The following COX7A2 variants were observed in gnomAD, a reference collection of about 807,000 sequenced individuals.
COX7A2 encodes cytochrome c oxidase subunit 7A2, also known as cytochrome c oxidase subunit 7A2, mitochondrial.
In COX7A2, 11 loss-of-function variants were observed where a neutral mutation model predicts 11.6. The observed-to-expected ratio is 0.95, with a 90% confidence interval of 0.60 to 1.57. COX7A2 has a LOEUF of 1.57. Among genes scored for constraint, COX7A2 ranks in the 40% most tolerant of loss-of-function variants. The probability of loss-of-function intolerance (pLI) is 0.00; values close to 1 mark genes in which losing one functional copy is unlikely to be tolerated. For missense variants in COX7A2, 106 were observed against 100.9 expected (o/e 1.05, Z -0.22); for synonymous variants, 30 against 38.2 (o/e 0.78, Z 0.79).
At position 75,237,917 on chromosome 6, in the gene COX7A2, G is replaced by C; in HGVS notation, c.*13C>G. 6.2e-7 allele frequency: 1 copy of C among 1,603,440 alleles called. No individual in the cohort carries two copies. Among genetic ancestry groups the C allele is most frequent in the African/African-American group, 1.3e-5 (1 of 74,902 alleles). ...AATGAAACTGAACCAAGCGATTGCT[G>C]GGATGACTGAAGTCACTCCTGCTTC... is the stretch of plus-strand genomic sequence containing the variant. On this transcript the variant is annotated 3_prime_UTR_variant, in exon 4 of 4. Transcript: ENST00000684430.
intron 3 of COX7A2, among the ~76,000 whole-genome samples, chr6:75,240,083 A>G (rs1771444272): frequency 6.6e-6 from 1 of 152,120 alleles, no homozygotes; most frequent in African/African-American, 2.4e-5. Context: ...CCTGGGCAAC[A>G]GGAGCAAAAC....
At chr6:75,243,664 C>T (rs1032870387) in intron 1 of COX7A2, 53 bp downstream of exon 1, 18 of 1,565,200 alleles carry the variant, frequency 1.2e-5, no homozygotes, top group South Asian at 7.8e-5. Flanking sequence ...GTGCCTCAGC[C>T]TCCTCTCCAC....
rs751303561 is a variant in COX7A2 at position 75,243,765 on chromosome 6, A to G, written c.-31T>C. 4 of 1,614,052 alleles carry G rather than the reference A, an allele frequency of 2.5e-6. No individual in the cohort carries two copies. The highest frequency in any genetic ancestry group is 2.5e-6 in the Non-Finnish European group (3 of 1,179,946). ...CTGTTACTGACCAGCAACCGCCACA[A>G]CTGAACACCACCAACGAAAATGGCC... is the stretch of plus-strand genomic sequence containing the variant. On this transcript the variant is annotated 5_prime_UTR_variant, in exon 1 of 4. Transcript: ENST00000684430.
chr6:75,239,626 T>G (rs1582259417), intron 3 of COX7A2, among the ~76,000 whole-genome samples: 1 of 152,330 alleles, frequency 6.6e-6, no homozygotes, highest in South Asian at 2.1e-4. Flanking sequence ...CTGTACAAAG[T>G]TTAGATGTAA....
At position 75,239,730 on chromosome 6, in the gene COX7A2, T is replaced by G. The variant is rs894963471; in HGVS notation, c.193+571A>C. ...GGATGTTTTTGACTGAAATATAGCC[T>G]TCACTGCCATCAATGGGACTCAGAA... On this transcript the variant is annotated intron_variant, in intron 3 of 3. Transcript: ENST00000684430. 3.9e-5 allele frequency among the ~76,000 whole-genome samples: 6 copies of G among 152,188 alleles called. No homozygotes were observed. The East Asian group carries it at 1.2e-3, about 29-fold the overall frequency.
chr6:75,243,537 G>A (rs892087894), intron 1 of COX7A2, among the ~76,000 whole-genome samples, 180 bp downstream of exon 1: 2 of 152,192 alleles, frequency 1.3e-5, no homozygotes, highest in African/African-American at 2.4e-5. Context: ...CCCAGTAACG[G>A]CCTGGGGCGA....
At chr6:75,245,367 T>C (rs1215851057), upstream of COX7A2, among the ~76,000 whole-genome samples, 1 of 151,960 alleles carries the variant, frequency 6.6e-6, no homozygotes, top group East Asian at 1.9e-4. Flanking sequence ...GGCGGGCGCC[T>C]GTAGTCCCAG....
chr6:75,237,962 C>A lies in COX7A2; in HGVS notation c.220G>T (p.Ala74Ser). ...GGTAYAIYEL[A>S]VASFPKKQE Reference sequence around the variant, plus strand: ...TGCTTCTTGGGAAATGAAGCCACAGCCAGCTCATATATGGCATATGCTGTT... The same window carrying A: ...TGCTTCTTGGGAAATGAAGCCACAGACAGCTCATATATGGCATATGCTGTT... The change falls in exon 4 of 4, where the codon GCT becomes TCT. Residue 74 changes from alanine (A) to serine (S), a missense_variant. Physicochemically the swap from Ala to Ser is moderately conservative, Grantham distance 99. Transcript: ENST00000684430. The A allele has an allele frequency of 6.2e-7, 1 of 1,605,180 alleles. No homozygotes were observed. Among genetic ancestry groups the A allele is most frequent in the Non-Finnish European group, 8.5e-7 (1 of 1,174,346 alleles).
At chr6:75,241,653 C>T (rs1771504195) in intron 1 of COX7A2, among the ~76,000 whole-genome samples, 1 of 152,110 alleles carries the variant, frequency 6.6e-6, no homozygotes, top group African/African-American at 2.4e-5. Flanking sequence ...ACTGCCATAT[C>T]ATCAAAAACC....
At chr6:75,243,835 G>T, upstream of COX7A2, 1 of 1,613,284 alleles carries the variant, frequency 6.2e-7, no homozygotes, top group South Asian at 1.1e-5. Context: ...ATGCATTCAC[G>T]AACTTAAATC....
intron 1 of COX7A2, among the ~76,000 whole-genome samples, chr6:75,243,063 T>C (rs1390459564): frequency 6.6e-6 from 1 of 152,174 alleles, no homozygotes; most frequent in Non-Finnish European, 1.5e-5. Context: ...TAAAATTACA[T>C]TGAGGATTTT....
At chr6:75,246,462 G>A (rs1771683903), upstream of COX7A2, among the ~76,000 whole-genome samples, 1 of 152,144 alleles carries the variant, frequency 6.6e-6, no homozygotes, top group South Asian at 2.1e-4. Flanking sequence ...CTCTTGTTCA[G>A]ATTATGTCAA....
chr6:75,239,467 A>G (rs1481650895), intron 3 of COX7A2, among the ~76,000 whole-genome samples: 1 of 152,212 alleles, frequency 6.6e-6, no homozygotes, highest in East Asian at 1.9e-4. Context: ...CATATTATAG[A>G]CTTCATGCAA....
chr6:75,237,738 C>T (rs1298313095), downstream of COX7A2: 7 of 420,006 alleles, frequency 1.7e-5, no homozygotes, highest in East Asian at 2.4e-4. Context: ...ATTTACAAGG[C>T]TGACCAAAAG....
At chr6:75,241,079 A>C (rs1771487141) in intron 2 of COX7A2, 97 bp downstream of exon 2, 2 of 1,423,816 alleles carry the variant, frequency 1.4e-6, no homozygotes, top group East Asian at 2.3e-5. Flanking sequence ...TTATATTGTC[A>C]TATGATCTAA....
chr6:75,243,397 G>GT (rs1379628012), intron 1 of COX7A2, among the ~76,000 whole-genome samples: 1 of 152,072 alleles, frequency 6.6e-6, no homozygotes, highest in African/African-American at 2.4e-5. Flanking sequence ...CTGGGTCTTG[G>GT]TTTTACTCAG....
upstream of COX7A2, among the ~76,000 whole-genome samples, chr6:75,247,351 A>C (rs889848812): frequency 5.3e-5 from 8 of 152,190 alleles, no homozygotes; most frequent in African/African-American, 1.9e-4. Flanking sequence ...GTGCGTACAC[A>C]CATCTGTTAA....
intron 3 of COX7A2, among the ~76,000 whole-genome samples, chr6:75,239,607 T>C (rs1356853754): frequency 6.6e-6 from 1 of 152,232 alleles, no homozygotes; most frequent in Non-Finnish European, 1.5e-5. Context: ...GTTTTGGTCA[T>C]AAATATGTCT....
upstream of COX7A2, among the ~76,000 whole-genome samples, chr6:75,244,914 C>T (rs1213562577): frequency 1.3e-5 from 2 of 152,124 alleles, no homozygotes; most frequent in African/African-American, 4.8e-5. Flanking sequence ...GTTTTCTACA[C>T]CCCTCTGGAT....
Sources: allele counts gnomAD v4.1 joint callset (sites outside exome capture counted in the v4.1 genomes callset), GRCh38; gene constraint gnomAD v4.1.1; transcripts MANE v1.5; gene names NCBI Gene and HGNC (gene_info 2026-07-23, HGNC 2026-07-21).